UBE2Q2: variants seen among roughly 807,000 people sequenced by gnomAD.
UBE2Q2 encodes the protein ubiquitin conjugating enzyme E2 Q2.
In UBE2Q2, 54 loss-of-function variants were observed where a neutral mutation model predicts 59.9. That is an observed-to-expected ratio of 0.90 (90% confidence interval 0.72 to 1.13). The LOEUF (loss-of-function observed/expected upper bound fraction) is 1.13, where lower values mean the gene tolerates loss of function less well. UBE2Q2 is among the 50% of genes most tolerant of loss of function. UBE2Q2 has a pLI of 0.00. For missense variants in UBE2Q2, 433 were observed against 441.9 expected (o/e 0.98, Z 0.18); for synonymous variants, 165 against 155.2 (o/e 1.06, Z -0.47).
chr15:75,864,786 A>G (rs900055247), intron 3 of UBE2Q2, among the ~76,000 whole-genome samples: 1 of 151,706 alleles, frequency 6.6e-6, no homozygotes, highest in African/African-American at 2.4e-5. Context: ...TTTTAAATCT[A>G]GTGTTTTCTT....
At chr15:75,869,438 C>G (rs2141604131) in intron 4 of UBE2Q2, among the ~76,000 whole-genome samples, 1 of 152,314 alleles carries the variant, frequency 6.6e-6, no homozygotes, top group Middle Eastern at 3.4e-3. Flanking sequence ...AGAATTTTGT[C>G]TTAATCTGGT....
At chr15:75,891,590 A>AGTT (rs1899111210) in intron 11 of UBE2Q2, among the ~76,000 whole-genome samples, 1 of 152,042 alleles carries the variant, frequency 6.6e-6, no homozygotes, top group Admixed American at 6.6e-5. Context: ...AAGCATACAG[A>AGTT]AGTTAGTTAG....
At chr15:75,898,025 A>G (rs754256633) in intron 12 of UBE2Q2, among the ~76,000 whole-genome samples, 1 of 152,170 alleles carries the variant, frequency 6.6e-6, no homozygotes, top group Non-Finnish European at 1.5e-5. Context: ...CCAGGTTTTC[A>G]TAATAATAAT....
chr15:75,856,215 G>T (rs1595860362), intron 2 of UBE2Q2, among the ~76,000 whole-genome samples: 1 of 148,794 alleles, frequency 6.7e-6, no homozygotes, highest in African/African-American at 2.5e-5. Context: ...ATATGTGTGT[G>T]TTTATACATG....
At chr15:75,873,594 C>G (rs1320825104) in intron 5 of UBE2Q2, 26 bp downstream of exon 5, 2 of 1,592,168 alleles carry the variant, frequency 1.3e-6, no homozygotes, top group Non-Finnish European at 1.7e-6. Flanking sequence ...TATCTAGAAC[C>G]TGGACTTTTG....
At chr15:75,889,364 C>T (rs1898965356) in intron 9 of UBE2Q2, among the ~76,000 whole-genome samples, 2 of 152,102 alleles carry the variant, frequency 1.3e-5, no homozygotes, top group African/African-American at 4.8e-5. Context: ...GGACTTCTTT[C>T]CCTTATTTTA....
At chr15:75,897,200 C>T (rs1899476866) in intron 12 of UBE2Q2, 139 bp downstream of exon 12, 1 of 327,266 alleles carries the variant, frequency 3.1e-6, no homozygotes, top group Admixed American at 4.9e-5. Flanking sequence ...GTGCTGCATA[C>T]AAAATCTTTA....
At chr15:75,863,481 T>C (rs1217455333) in intron 3 of UBE2Q2, among the ~76,000 whole-genome samples, 1 of 151,784 alleles carries the variant, frequency 6.6e-6, no homozygotes, top group Non-Finnish European at 1.5e-5. Flanking sequence ...AGTCTCTCTG[T>C]CGCCCAGGGT....
chr15:75,855,528 C>A lies in UBE2Q2; in HGVS notation c.282+1041C>A, dbSNP rs186031137. ...AAATTACTGTATTTTCCCATGATGT[C>A]ATACAGTCTTTATAGAAAAATAATC... On this transcript the variant is annotated intron_variant, in intron 2 of 12. Transcript: ENST00000267938. Among the ~76,000 whole-genome samples, 61 of 151,638 alleles carry A rather than the reference C, an allele frequency of 4.0e-4. 1 individual carries two copies. The highest frequency in any genetic ancestry group is 1.4e-3 in the African/African-American group (59 of 41,376).
chr15:75,847,573 A>G (rs1443659604), intron 1 of UBE2Q2, among the ~76,000 whole-genome samples: 2 of 152,196 alleles, frequency 1.3e-5, no homozygotes, highest in Non-Finnish European at 2.9e-5. Flanking sequence ...ATACAAACTT[A>G]AGTATAGTTT....
At chr15:75,882,110 A>G (rs1485843029) in intron 8 of UBE2Q2, among the ~76,000 whole-genome samples, 1 of 152,220 alleles carries the variant, frequency 6.6e-6, no homozygotes, top group African/African-American at 2.4e-5. Context: ...GTCAAATTAC[A>G]AAGAGGTGAT....
chr15:75,865,611 C>T (rs1379179993), intron 3 of UBE2Q2, among the ~76,000 whole-genome samples: 3 of 152,098 alleles, frequency 2.0e-5, no homozygotes, highest in Non-Finnish European at 4.4e-5. Context: ...AAAGCATTTT[C>T]AGATGGCTTT....
chr15:75,854,520 C>A (rs1432319394), intron 2 of UBE2Q2, 33 bp downstream of exon 2: 5 of 1,356,792 alleles, frequency 3.7e-6, no homozygotes, highest in Non-Finnish European at 5.2e-6. Flanking sequence ...TTTCTCTTTT[C>A]CTCATGAACA....
chr15:75,852,726 A>G (rs1896695502), intron 1 of UBE2Q2, among the ~76,000 whole-genome samples: 1 of 152,236 alleles, frequency 6.6e-6, no homozygotes. Flanking sequence ...AAGAAAATGC[A>G]GTACTCAATA....
chr15:75,888,144 T>C (rs187440959), intron 9 of UBE2Q2, among the ~76,000 whole-genome samples: 3 of 152,342 alleles, frequency 2.0e-5, no homozygotes, highest in Admixed American at 2.0e-4. Context: ...ATTTGGTGGT[T>C]GTTAGTATAT....
At chr15:75,879,348 C>G (rs1898267594) in intron 8 of UBE2Q2, among the ~76,000 whole-genome samples, 160 bp downstream of exon 8, 1 of 152,088 alleles carries the variant, frequency 6.6e-6, no homozygotes, top group South Asian at 2.1e-4. Context: ...CTTAGGCGTA[C>G]CAGGAGACAC....
intron 1 of UBE2Q2, chr15:75,844,705 A>G: frequency 4.6e-6 from 2 of 432,744 alleles, no homozygotes; most frequent in South Asian, 3.7e-5. Flanking sequence ...ATAAAAGTGT[A>G]TCGTGAAGCT....
At chr15:75,874,197 A>G (rs1327723828) in intron 5 of UBE2Q2, among the ~76,000 whole-genome samples, 1 of 151,822 alleles carries the variant, frequency 6.6e-6, no homozygotes, top group East Asian at 1.9e-4. Context: ...ACAAAATACA[A>G]TTCAAGTTCT....
At chr15:75,853,868 C>T (rs909471737) in intron 1 of UBE2Q2, among the ~76,000 whole-genome samples, 1 of 152,136 alleles carries the variant, frequency 6.6e-6, no homozygotes, top group Non-Finnish European at 1.5e-5. Flanking sequence ...TTCTGGATGG[C>T]TGTTGGTCTG....
Sources: gnomAD v4.1 joint callset for allele counts (sites outside exome capture counted in the v4.1 genomes callset) on GRCh38, gnomAD v4.1.1 for gene constraint, MANE v1.5 for transcripts, NCBI Gene and HGNC (gene_info 2026-07-23, HGNC 2026-07-21) for gene names.